Variants in TRPM3 observed in about 807,000 individuals in gnomAD.
TRPM3 encodes the protein transient receptor potential cation channel subfamily M member 3, also known as long transient receptor potential channel 3.
A neutral mutation model predicts 181.2 loss-of-function variants in TRPM3; 77 were observed. The ratio of observed to expected loss-of-function variants is 0.42; its 90% confidence interval spans 0.35 to 0.51. TRPM3 has a LOEUF of 0.51. TRPM3 is among the 20% of genes least tolerant of loss of function. The pLI is 0.01. For synonymous variants in TRPM3, 745 were observed against 796.4 expected (o/e 0.94, Z 1.09); for missense variants, 1,759 against 2,196.7 (o/e 0.80, Z 3.98).
intron 1 of TRPM3, among the ~76,000 whole-genome samples, chr9:71,439,385 G>A (rs890298834): frequency 2.6e-5 from 4 of 152,204 alleles, no homozygotes; most frequent in Admixed American, 6.5e-5. Flanking sequence ...GCTCTGACCA[G>A]ACACTGAATT....
rs150242014 is a variant in TRPM3, at chr9:70,603,145, G to T, written c.2796+197C>A. Among the ~76,000 whole-genome samples, 483 of 152,274 alleles carry T rather than the reference G, an allele frequency of 3.2e-3. 5 individuals carry two copies. Among genetic ancestry groups the T allele is most frequent in the African/African-American group, 0.01 (418 of 41,540 alleles). ...GAATAGACCAAATCCTAAGCACTCA[G>T]GGAGTTACACCCCTATAAGCACCAC... On this transcript the variant is annotated intron_variant, in intron 20 of 25. Transcript: ENST00000677713.
chr9:71,345,256 TTA>T, intron 1 of TRPM3, among the ~76,000 whole-genome samples: 1 of 152,130 alleles, frequency 6.6e-6, no homozygotes, highest in East Asian at 1.9e-4. Flanking sequence ...GCCCAAAGGA[TTA>T]CAAATCATTC....
chr9:71,036,580 G>C (rs1644546291), intron 1 of TRPM3, among the ~76,000 whole-genome samples: 1 of 152,146 alleles, frequency 6.6e-6, no homozygotes, highest in Non-Finnish European at 1.5e-5. Flanking sequence ...CCCATTTGTT[G>C]GCACAATATT....
At chr9:70,909,429 C>G (rs900392566) in intron 1 of TRPM3, among the ~76,000 whole-genome samples, 1 of 152,114 alleles carries the variant, frequency 6.6e-6, no homozygotes, top group Non-Finnish European at 1.5e-5. Context: ...AGAATCTGAA[C>G]TGCTGCAGCT....
intron 1 of TRPM3, among the ~76,000 whole-genome samples, chr9:71,402,011 G>A (rs1027939464): frequency 6.6e-6 from 1 of 152,138 alleles, no homozygotes; most frequent in African/African-American, 2.4e-5. Context: ...GTAAATTGAT[G>A]GCTGGTTTTT....
chr9:70,602,631 G>A (rs904535595), intron 20 of TRPM3, among the ~76,000 whole-genome samples: 29 of 152,188 alleles, frequency 1.9e-4, no homozygotes, highest in African/African-American at 6.5e-4. Flanking sequence ...ATTGAGTGGG[G>A]CTGCAGAGCC....
chr9:70,885,462 A>C (rs987596961), intron 1 of TRPM3, among the ~76,000 whole-genome samples: 1 of 152,162 alleles, frequency 6.6e-6, no homozygotes, highest in African/African-American at 2.4e-5. Flanking sequence ...CCAGTGTCTG[A>C]ATGTTTTACC....
rs75378752 is a variant in TRPM3, at chr9:70,657,427, G to T, written c.1346-16767C>A. 9.9e-4 allele frequency among the ~76,000 whole-genome samples: 150 copies of T among 151,698 alleles called. 1 individual carries two copies. In the East Asian group the frequency reaches 0.029, roughly 29 times the overall value. On this transcript the variant is annotated intron_variant, in intron 9 of 25. Coordinates refer to ENST00000677713, the MANE Select transcript of TRPM3 (RefSeq NM_001366145.2). Reference sequence around the variant, plus strand: ...TGTTTTTCCTTGGGTTCTGTTTGTTGTGGCCTGATGCTAACAATGTTTTCT... The same window carrying T: ...TGTTTTTCCTTGGGTTCTGTTTGTTTTGGCCTGATGCTAACAATGTTTTCT...
intron 1 of TRPM3, among the ~76,000 whole-genome samples, chr9:71,109,085 A>G (rs555493940): frequency 6.6e-6 from 1 of 152,280 alleles, no homozygotes; most frequent in South Asian, 2.1e-4. Context: ...TTCAGATTTT[A>G]TCTGCAACAT....
At chr9:71,010,521 C>T (rs2097724997) in intron 1 of TRPM3, among the ~76,000 whole-genome samples, 1 of 152,056 alleles carries the variant, frequency 6.6e-6, no homozygotes, top group Non-Finnish European at 1.5e-5. Flanking sequence ...AAAACAAATG[C>T]TCAACATCAC....
intron 1 of TRPM3, among the ~76,000 whole-genome samples, chr9:71,107,322 GT>G (rs762967915): frequency 2.0e-5 from 3 of 151,998 alleles, no homozygotes; most frequent in African/African-American, 7.3e-5. Flanking sequence ...ATCCTGAATA[GT>G]TTTTTCTGCC....
chr9:71,125,615 A>T (rs1327555325), upstream of TRPM3, among the ~76,000 whole-genome samples: 7 of 152,264 alleles, frequency 4.6e-5, no homozygotes, highest in East Asian at 1.4e-3. Flanking sequence ...ATTTGGGTTG[A>T]TTCCATGTCT....
intron 1 of TRPM3, among the ~76,000 whole-genome samples, chr9:71,284,739 T>A (rs531670621): frequency 8.5e-5 from 13 of 152,306 alleles, no homozygotes; most frequent in Non-Finnish European, 1.5e-4. Flanking sequence ...TTACCATAAC[T>A]CAATTAAGAT....
intron 1 of TRPM3, among the ~76,000 whole-genome samples, chr9:71,412,911 T>C (rs2093579879): frequency 6.6e-6 from 1 of 152,174 alleles, no homozygotes; most frequent in South Asian, 2.1e-4. Context: ...TGGAATACTA[T>C]GCAGCCATAA....
At chr9:71,054,925 G>C (rs966001281) in intron 1 of TRPM3, among the ~76,000 whole-genome samples, 1 of 152,114 alleles carries the variant, frequency 6.6e-6, no homozygotes, top group Non-Finnish European at 1.5e-5. Flanking sequence ...GGGTTATGGT[G>C]ATCATTTTTT....
In TRPM3 at chr9:70,533,607, GGAGA is replaced by G. The variant is rs2041192009; in HGVS notation, c.*2342_*2345del. 6.6e-6 allele frequency: 1 copy of G among 151,284 alleles called. No homozygotes were observed. The highest frequency in any genetic ancestry group is 2.4e-5 in the African/African-American group (1 of 41,136). The allele number at this position is 151,284 out of a possible 1,614,324, so 9.4% of individuals were successfully genotyped here. On this transcript the variant is annotated 3_prime_UTR_variant, in exon 26 of 26. Transcript: ENST00000677713. Reference sequence around the variant, plus strand: ...TTATGTACATTTTTTTTTTCTTTCTGGAGAGAGAGCCTAGAGTTATCGTAGAGCC... The same window carrying G: ...TTATGTACATTTTTTTTTTCTTTCTGGAGAGCCTAGAGTTATCGTAGAGCC...
At chr9:71,006,039 A>G (rs535422748) in intron 1 of TRPM3, among the ~76,000 whole-genome samples, 147 of 152,270 alleles carry the variant, frequency 9.7e-4, no homozygotes, top group African/African-American at 3.3e-3. Context: ...TGAGGAGGGG[A>G]CGTGGTATTA....
At chr9:71,168,518 T>A (rs1172933646) in intron 1 of TRPM3, among the ~76,000 whole-genome samples, 1 of 146,924 alleles carries the variant, frequency 6.8e-6, no homozygotes, top group East Asian at 2.0e-4. Context: ...TTCTTTTTTT[T>A]TTTTTTTTTA....
intron 1 of TRPM3, among the ~76,000 whole-genome samples, chr9:71,324,509 C>T (rs1037362806): frequency 1.3e-5 from 2 of 151,614 alleles, no homozygotes; most frequent in Non-Finnish European, 2.9e-5. Context: ...CTCTTATACA[C>T]TGTTGATGGG....
Sources: gnomAD v4.1 joint callset for allele counts (sites outside exome capture counted in the v4.1 genomes callset) on GRCh38, gnomAD v4.1.1 for gene constraint, MANE v1.5 for transcripts, NCBI Gene and HGNC (gene_info 2026-07-23, HGNC 2026-07-21) for gene names.